The following UVRAG variants were observed in gnomAD, a reference collection of about 807,000 sequenced individuals.
UVRAG encodes the protein UV radiation resistance-associated gene protein.
UVRAG carries 19 observed loss-of-function variants against 78.0 expected under a neutral mutation model. The ratio of observed to expected loss-of-function variants is 0.24; its 90% CI spans 0.17 to 0.36. The LOEUF is 0.36. Ranked by LOEUF, UVRAG falls within the 10% of genes least tolerant of loss-of-function variation. The pLI, the probability that UVRAG is intolerant of heterozygous loss-of-function variation, is 1.00. For missense variants in UVRAG, 740 were observed against 853.8 expected (o/e 0.87, Z 1.66); for synonymous variants, 323 against 324.6 (o/e 1.00, Z 0.05).
intron 12 of UVRAG, among the ~76,000 whole-genome samples, chr11:76,031,025 C>T (rs147193461): frequency 6.2e-4 from 95 of 152,294 alleles, no homozygotes; most frequent in Non-Finnish European, 1.1e-3. Flanking sequence ...TTTGTAGACA[C>T]TCAATAAATA....
chr11:76,045,957 A>G (rs1472950308), intron 12 of UVRAG, among the ~76,000 whole-genome samples: 3 of 152,200 alleles, frequency 2.0e-5, no homozygotes, highest in African/African-American at 7.2e-5. Context: ...ACACTAAGGT[A>G]CATCACTGTG....
At chr11:75,887,223 G>C (rs1947098770) in intron 4 of UVRAG, among the ~76,000 whole-genome samples, 1 of 152,074 alleles carries the variant, frequency 6.6e-6, no homozygotes, top group Admixed American at 6.5e-5. Context: ...TCGGCTCACT[G>C]CAACTTCCGC....
intron 7 of UVRAG, among the ~76,000 whole-genome samples, chr11:75,980,798 C>T (rs989688287): frequency 2.6e-5 from 4 of 151,648 alleles, no homozygotes; most frequent in Admixed American, 1.3e-4. Context: ...TCTCCTGCCT[C>T]AGCCTCTCAA....
rs137963613 is a variant in UVRAG, at chr11:76,090,859, C to T, written c.1306-25065C>T. On this transcript the variant is annotated intron_variant, in intron 13 of 14. Coordinates refer to ENST00000356136, the MANE Select transcript of UVRAG (RefSeq NM_003369.4). ...ACACAATTTCATCTTTGGGAGAAAT[C>T]TCTCCTAGAACTTCTGATCTGCTGC... is the stretch of plus-strand genomic sequence containing the variant. 3.3e-3 allele frequency among the ~76,000 whole-genome samples: 501 copies of T among 152,302 alleles called. 6 individuals carry two copies. The highest frequency in any genetic ancestry group is 0.011 in the African/African-American group (478 of 41,568).
In UVRAG at chr11:75,929,862, A is replaced by G. The variant is rs188234036; in HGVS notation, c.593+17823A>G. Among the ~76,000 whole-genome samples, 318 of 152,254 alleles carry G rather than the reference A, an allele frequency of 2.1e-3. 1 individual carries two copies. Among genetic ancestry groups the G allele is most frequent in the South Asian group, 5.0e-3 (24 of 4,828 alleles). On this transcript the variant is annotated intron_variant, in intron 6 of 14. Transcript: ENST00000356136. ...GTACCAGCATGTGGAAAGGTGGGGA[A>G]TGCTTGCCTGACACGTTAAATACAT...
chr11:75,853,413 G>T (rs1405440397), intron 2 of UVRAG, among the ~76,000 whole-genome samples: 1 of 148,792 alleles, frequency 6.7e-6, no homozygotes, highest in African/African-American at 2.5e-5. Context: ...AGCCTGGAGT[G>T]CAATGGCGTG....
intron 6 of UVRAG, among the ~76,000 whole-genome samples, chr11:75,933,768 A>G (rs1025675806): frequency 5.3e-5 from 8 of 152,246 alleles, no homozygotes; most frequent in Admixed American, 1.3e-4. Flanking sequence ...ATCACTGATC[A>G]TCAGAGAAAT....
At chr11:76,010,289 G>T (rs1950026897) in intron 11 of UVRAG, among the ~76,000 whole-genome samples, 1 of 152,192 alleles carries the variant, frequency 6.6e-6, no homozygotes, top group Admixed American at 6.5e-5. Flanking sequence ...ACATGATGCA[G>T]AAAGTAAACA....
intron 5 of UVRAG, among the ~76,000 whole-genome samples, chr11:75,905,812 G>A (rs2135004212): frequency 6.6e-6 from 1 of 152,060 alleles, no homozygotes; most frequent in Non-Finnish European, 1.5e-5. Flanking sequence ...TCAGTCTTTT[G>A]GGTATGTACC....
At chr11:76,037,917 C>T (rs1950568355) in intron 12 of UVRAG, among the ~76,000 whole-genome samples, 1 of 152,168 alleles carries the variant, frequency 6.6e-6, no homozygotes, top group Non-Finnish European at 1.5e-5. Context: ...TCTCAATCTG[C>T]AGATTCAACC....
chr11:76,032,370 T>G (rs1054333724), intron 12 of UVRAG, among the ~76,000 whole-genome samples: 7 of 152,222 alleles, frequency 4.6e-5, no homozygotes, highest in African/African-American at 1.7e-4. Flanking sequence ...TGAATCAGAT[T>G]AAATGATCAA....
intron 6 of UVRAG, among the ~76,000 whole-genome samples, chr11:75,938,253 T>C (rs1334020353): frequency 3.3e-5 from 5 of 152,210 alleles, no homozygotes. Context: ...GTCTATTTTC[T>C]GGCTTTTAAA....
intron 13 of UVRAG, among the ~76,000 whole-genome samples, chr11:76,099,791 T>A (rs748681918): frequency 4.6e-5 from 7 of 152,120 alleles, no homozygotes; most frequent in Non-Finnish European, 1.0e-4. Context: ...AATCATTGAT[T>A]TTTGTTTTTC....
intron 13 of UVRAG, among the ~76,000 whole-genome samples, chr11:76,090,950 T>C (rs1272228434): frequency 6.6e-6 from 1 of 152,188 alleles, no homozygotes; most frequent in Non-Finnish European, 1.5e-5. Context: ...TCTCTTATGT[T>C]GAAACCTCTA....
rs536592647 is a variant in UVRAG at position 75,863,197 on chromosome 11, T to A, written c.270+1417T>A. Among the ~76,000 whole-genome samples the A allele has an allele frequency of 3.3e-5, 5 of 152,268 alleles. No homozygotes were observed. The South Asian group carries it at 1.0e-3, about 32-fold the overall frequency. On this transcript the variant is annotated intron_variant, in intron 3 of 14. Transcript: ENST00000356136. ...TTCCTTGAGTCCATCTCTGGGGAGG[T>A]CCCATCACCAGTAAAGCTCTGGTTC...
intron 11 of UVRAG, among the ~76,000 whole-genome samples, chr11:76,010,763 AG>A (rs916488943): frequency 6.6e-6 from 1 of 152,182 alleles, no homozygotes; most frequent in African/African-American, 2.4e-5. Flanking sequence ...CAAAAGAGAG[AG>A]GCAGGAAGGA....
chr11:76,136,029 G>T (rs189271157), intron 14 of UVRAG, among the ~76,000 whole-genome samples: 1 of 152,160 alleles, frequency 6.6e-6, no homozygotes, highest in African/African-American at 2.4e-5. Context: ...GTAAATCTAT[G>T]AGTTTCAACC....
At chr11:75,895,904 C>T (rs1191454946) in intron 5 of UVRAG, among the ~76,000 whole-genome samples, 4 of 152,020 alleles carry the variant, frequency 2.6e-5, no homozygotes, top group South Asian at 2.1e-4. Context: ...AAATGTCAAG[C>T]GCCTACTACA....
chr11:75,927,762 G>A (rs916608300), intron 6 of UVRAG, among the ~76,000 whole-genome samples: 2 of 152,172 alleles, frequency 1.3e-5, no homozygotes, highest in Admixed American at 1.3e-4. Context: ...GAGATAGCAG[G>A]TAGGAATGAG....
Sources: allele counts gnomAD v4.1 joint callset (sites outside exome capture counted in the v4.1 genomes callset), GRCh38; gene constraint gnomAD v4.1.1; transcripts MANE v1.5; gene names NCBI Gene and HGNC (gene_info 2026-07-23, HGNC 2026-07-21).